Variants in ALS2 observed in about 807,000 individuals in gnomAD.
The protein encoded by ALS2 is alsin.
In ALS2, 117 loss-of-function variants were observed where a neutral mutation model predicts 203.4. The ratio of observed to expected loss-of-function variants is 0.58; its 90% confidence interval spans 0.50 to 0.67. The LOEUF is 0.67. Among genes scored for constraint, ALS2 ranks in the 30% least tolerant of loss-of-function variants. ALS2 has a pLI of 0.00. For synonymous variants in ALS2, 718 were observed against 725.9 expected, an observed-to-expected ratio of 0.99 and a Z score of 0.17; for missense variants, 1,715 against 1,989.4, an observed-to-expected ratio of 0.86 and a Z score of 2.62.
chr2:201,724,648 C>T (rs1691034800), intron 20 of ALS2, among the ~76,000 whole-genome samples, 189 bp from the exon 21 acceptor site: 1 of 151,850 alleles, frequency 6.6e-6, no homozygotes, highest in Non-Finnish European at 1.5e-5. Context: ...TTAAAGACAC[C>T]ATGTGTGGTA....
intron 10 of ALS2, among the ~76,000 whole-genome samples, chr2:201,743,004 A>C (rs1692381285): frequency 6.6e-6 from 1 of 151,272 alleles, no homozygotes; most frequent in South Asian, 2.1e-4. Flanking sequence ...CCAGGAGGTG[A>C]AGGTTGCAGT....
chr2:201,704,669 T>A, intron 31 of ALS2, 66 bp from the exon 32 acceptor site: 1 of 1,575,634 alleles, frequency 6.3e-7, no homozygotes, highest in Non-Finnish European at 8.7e-7. Context: ...TGATCGTGCT[T>A]TTTTGACAAT....
chr2:201,742,846 C>G (rs1692370762), intron 10 of ALS2, among the ~76,000 whole-genome samples: 1 of 152,094 alleles, frequency 6.6e-6, no homozygotes, highest in Admixed American at 6.6e-5. Context: ...CCGAGGCAGG[C>G]AGATCACTTA....
chr2:201,777,526 A>G (rs769317528), intron 1 of ALS2, among the ~76,000 whole-genome samples: 1 of 152,144 alleles, frequency 6.6e-6, no homozygotes, highest in Non-Finnish European at 1.5e-5. Context: ...TATACATAAA[A>G]CTGTAAAAAT....
Position 201,754,611 on chromosome 2 carries a change from G to A in ALS2, c.1532C>T (p.Pro511Leu). 1.2e-6 allele frequency: 2 copies of A among 1,614,160 alleles called. No individual in the cohort carries two copies. The highest frequency in any genetic ancestry group is 1.7e-6 in the Non-Finnish European group (2 of 1,180,022). ...CGCATCTGCTTCTCCACTGTATGTG[G>A]GGGTCAGAACCACTGTCCTCGTTTT... ...RVKTRTVVLT[P>L]TYSGEADALL... Residue 511 changes from proline to leucine, a missense_variant, in exon 6 of 34, where the codon CCC becomes CTC. Pro to Leu is a moderately conservative substitution (Grantham distance 98). Coordinates refer to ENST00000264276, the MANE Select transcript of ALS2 (RefSeq NM_020919.4).
At chr2:201,735,569 T>G (rs887481995) in intron 12 of ALS2, among the ~76,000 whole-genome samples, 2 of 152,200 alleles carry the variant, frequency 1.3e-5, no homozygotes, top group African/African-American at 4.8e-5. Flanking sequence ...AATGAAATCT[T>G]TACGGTAATT....
At position 201,746,593 on chromosome 2, in the gene ALS2, CT is replaced by C; in HGVS notation, c.1970del (p.Lys657ArgfsTer14). On this transcript the variant is annotated frameshift_variant, in exon 9 of 34. Coordinates refer to ENST00000264276, the MANE Select transcript of ALS2 (RefSeq NM_020919.4). LOFTEE classifies it high-confidence loss of function. ...DNLPENHSGS[K>X]TPVLLSCSKL... Reference sequence around the variant, plus strand: ...TACTACAGGAGAGAAGTACTGGAGTCTTAGAACCACTGTGATTCTCTGGAAG... The same window carrying C: ...TACTACAGGAGAGAAGTACTGGAGTCTAGAACCACTGTGATTCTCTGGAAG... 6.2e-7 allele frequency: 1 copy of C among 1,614,208 alleles called. No individual in the cohort carries two copies. Among genetic ancestry groups the C allele is most frequent in the Non-Finnish European group, 8.5e-7 (1 of 1,180,028 alleles).
rs1690355233 is a variant in ALS2, at chr2:201,715,857, A to C, written c.3837-18T>G. 6.2e-7 allele frequency: 1 copy of C among 1,613,768 alleles called. No individual in the cohort carries two copies. The highest frequency in any genetic ancestry group is 2.2e-5 in the East Asian group (1 of 44,880). On this transcript the variant is annotated intron_variant, in intron 24 of 33. Coordinates refer to ENST00000264276, the MANE Select transcript of ALS2 (RefSeq NM_020919.4). Reference sequence around the variant, plus strand: ...GCTTCCTGCTAATAAAGTCATATCAACCTTTTATTAATCATTTCTTTTGTG... The same window carrying C: ...GCTTCCTGCTAATAAAGTCATATCACCCTTTTATTAATCATTTCTTTTGTG...
chr2:201,778,508 T>C (rs1694752141), intron 1 of ALS2: 1 of 152,034 alleles, frequency 6.6e-6, no homozygotes, highest in African/African-American at 2.4e-5. Context: ...CACCATCACA[T>C]ATACAGATGA....
chr2:201,754,504 T>C lies in ALS2; in HGVS notation c.1639A>G (p.Arg547Gly). ...GQLGHGDVLP[R>G]LQPLCVKCLD... ...TCGGTAAATGTTGGTAGCGCTTACCTAGGCAGAACATCGCCGTGCCCCAGC... is the reference window on the plus strand; with the variant it reads ...TCGGTAAATGTTGGTAGCGCTTACCCAGGCAGAACATCGCCGTGCCCCAGC... The change falls in exon 6 of 34, where the codon AGG (arginine) becomes GGG (glycine). Residue 547 changes from arginine to glycine, a missense_variant and splice_region_variant. Arg to Gly is a moderately radical substitution (Grantham distance 125). Coordinates refer to ENST00000264276, the MANE Select transcript of ALS2 (RefSeq NM_020919.4). 6.2e-7 allele frequency: 1 copy of C among 1,614,090 alleles called. No individual in the cohort carries two copies.
Position 201,733,380 on chromosome 2 carries a change from T to C in ALS2, c.2476A>G (p.Asn826Asp), listed in dbSNP as rs2106024089. Residue 826 changes from asparagine to aspartate, a missense_variant, in exon 13 of 34, where the codon AAC (asparagine) becomes GAC (aspartate). Physicochemically the swap from Asn to Asp is conservative, Grantham distance 23 (BLOSUM62 1). Coordinates refer to ENST00000264276, the MANE Select transcript of ALS2 (RefSeq NM_020919.4). The part of the protein sequence containing the change: ...LQDLSEVNDE[N>D]TQLMEILNTL... The stretch of plus-strand genomic sequence containing the variant: ...TTCAGTATTTCCATCAACTGAGTGT[T>C]TTCGTCATTCACTTCTGACAAATCT... 1 of 1,613,828 alleles carries C rather than the reference T, an allele frequency of 6.2e-7. No individual in the cohort carries two copies. Among genetic ancestry groups the C allele is most frequent in the South Asian group, 1.1e-5 (1 of 91,076 alleles).
chr2:201,765,093 ACTCAAGCTATC>A (rs1694009513), intron 3 of ALS2, among the ~76,000 whole-genome samples: 1 of 151,876 alleles, frequency 6.6e-6, no homozygotes, highest in Non-Finnish European at 1.5e-5. Context: ...GGTCTCCCAG[ACTCAAGCTATC>A]CTCCTGCCTC....
At chr2:201,704,701 G>A in intron 31 of ALS2, 98 bp from the exon 32 acceptor site, 1 of 1,363,640 alleles carries the variant, frequency 7.3e-7, no homozygotes, top group Non-Finnish European at 1.0e-6. Context: ...GGATTCACAT[G>A]CCTTAACCCG....
At chr2:201,739,471 G>A (rs945937034) in intron 11 of ALS2, among the ~76,000 whole-genome samples, 7 of 151,598 alleles carry the variant, frequency 4.6e-5, no homozygotes, top group East Asian at 2.0e-4. Flanking sequence ...GGCTGGGGGC[G>A]GTGGCTCACT....
At chr2:201,753,285 A>C in intron 6 of ALS2, 43 bp from the exon 7 acceptor site, 25 of 1,502,058 alleles carry the variant, frequency 1.7e-5, no homozygotes, top group Non-Finnish European at 1.9e-5. Context: ...AAGTATTCTC[A>C]GCAAGAATCG....
At chr2:201,704,679 T>A in intron 31 of ALS2, 76 bp from the exon 32 acceptor site, 1 of 1,534,274 alleles carries the variant, frequency 6.5e-7, no homozygotes, top group Non-Finnish European at 9.0e-7. Flanking sequence ...TTTTTGACAA[T>A]ATTCCCTCCT....
chr2:201,760,804 C>T, intron 4 of ALS2, 77 bp downstream of exon 4: 1 of 1,509,768 alleles, frequency 6.6e-7, no homozygotes, highest in Non-Finnish European at 8.8e-7. Context: ...AAGCCTTACT[C>T]ATTTTAAAGT....
At chr2:201,717,262 C>G (rs538110788) in intron 24 of ALS2, among the ~76,000 whole-genome samples, 3 of 151,840 alleles carry the variant, frequency 2.0e-5, no homozygotes, top group African/African-American at 7.2e-5. Flanking sequence ...GTCAGGAGTT[C>G]GAGACCAGCC....
intron 11 of ALS2, chr2:201,741,299 C>A: frequency 4.6e-6 from 1 of 215,890 alleles, no homozygotes; most frequent in Non-Finnish European, 9.6e-6. Context: ...TCCATATTTA[C>A]AATCAGCAGT....
Sources: allele counts gnomAD v4.1 joint callset (sites outside exome capture counted in the v4.1 genomes callset), GRCh38; gene constraint gnomAD v4.1.1; transcripts MANE v1.5; gene names NCBI Gene and HGNC (gene_info 2026-07-23, HGNC 2026-07-21).